PDE1C: variants seen among roughly 807,000 people sequenced by gnomAD.
PDE1C encodes dual specificity calcium/calmodulin-dependent 3',5'-cyclic nucleotide phosphodiesterase 1C.
Under a neutral mutation model 93.1 loss-of-function variants are expected in PDE1C, and 62 were observed. The ratio of observed to expected loss-of-function variants is 0.67; its 90% confidence interval spans 0.54 to 0.82. PDE1C has a LOEUF of 0.82. Ranked by LOEUF, PDE1C falls within the 40% of genes least tolerant of loss-of-function variation. The pLI is 0.00. For synonymous variants in PDE1C, 325 were observed against 310.1 expected (o/e 1.05, Z -0.50); for missense variants, 742 against 884.6 (o/e 0.84, Z 2.04).
At chr7:32,386,884 T>A (rs1380507188) in intron 1 of PDE1C, among the ~76,000 whole-genome samples, 1 of 134,866 alleles carries the variant, frequency 7.4e-6, no homozygotes, top group South Asian at 2.2e-4. Flanking sequence ...TTTATTTTTA[T>A]TTTTTTTTTT....
chr7:31,789,534 A>C, intron 16 of PDE1C: 1 of 499,034 alleles, frequency 2.0e-6, no homozygotes, highest in Non-Finnish European at 2.6e-6. Flanking sequence ...TCACCAGCTG[A>C]ACATTCAGGT....
intron 1 of PDE1C, among the ~76,000 whole-genome samples, chr7:32,245,221 G>A (rs1808838216): frequency 6.6e-6 from 1 of 152,098 alleles, no homozygotes; most frequent in South Asian, 2.1e-4. Flanking sequence ...ATTTGTGGGA[G>A]CCATGGTAAC....
intron 2 of PDE1C, among the ~76,000 whole-genome samples, chr7:31,897,607 TG>T (rs1161484556): frequency 6.6e-6 from 1 of 152,194 alleles, no homozygotes; most frequent in Non-Finnish European, 1.5e-5. Context: ...CTCCCCCTTT[TG>T]TCTCTGAATA....
the PDE1C span, among the ~76,000 whole-genome samples, chr7:31,723,637 C>G: frequency 1.3e-5 from 2 of 152,172 alleles, no homozygotes; most frequent in Non-Finnish European, 2.9e-5. Context: ...CTGTTGTCCT[C>G]TGGGCCCTAC....
At chr7:31,712,409 G>T in the PDE1C span, among the ~76,000 whole-genome samples, 2 of 152,208 alleles carry the variant, frequency 1.3e-5, no homozygotes, top group African/African-American at 2.4e-5. Context: ...CTAGATAGTC[G>T]CTATGGAGCC....
At chr7:31,979,811 C>T (rs536494352) in intron 2 of PDE1C, among the ~76,000 whole-genome samples, 3 of 152,236 alleles carry the variant, frequency 2.0e-5, no homozygotes, top group African/African-American at 7.2e-5. Context: ...TTCACTGTAC[C>T]CAAGTACTGT....
At chr7:32,135,507 A>T (rs957522127) in intron 3 of PDE1C, among the ~76,000 whole-genome samples, 1 of 152,220 alleles carries the variant, frequency 6.6e-6, no homozygotes, top group Non-Finnish European at 1.5e-5. Context: ...AATGACCAGA[A>T]GGTATAAAAA....
intron 1 of PDE1C, among the ~76,000 whole-genome samples, chr7:32,069,102 A>G (rs1226085602): frequency 1.3e-5 from 2 of 152,226 alleles, no homozygotes; most frequent in East Asian, 3.8e-4. Context: ...TCCCATTGAA[A>G]TCAATGGCAA....
chr7:31,967,553 C>T (rs903268756), intron 2 of PDE1C, among the ~76,000 whole-genome samples: 5 of 152,206 alleles, frequency 3.3e-5, no homozygotes, highest in African/African-American at 7.2e-5. Context: ...TGGTACCATT[C>T]CTTCTAAAAC....
At chr7:31,893,463 T>C in intron 2 of PDE1C, 1 of 984,026 alleles carries the variant, frequency 1.0e-6, no homozygotes, top group Non-Finnish European at 1.2e-6. Flanking sequence ...AAAAGAAGAA[T>C]TGGGAAGACT....
At chr7:32,365,653 A>G (rs1784216752) in intron 1 of PDE1C, among the ~76,000 whole-genome samples, 2 of 152,198 alleles carry the variant, frequency 1.3e-5, no homozygotes, top group East Asian at 1.9e-4. Context: ...CAACTGGGCA[A>G]TCATGCTCCT....
rs949931958 is a variant in PDE1C, at chr7:32,171,864, A to G, written c.137-1908T>C. On this transcript the variant is annotated intron_variant, in intron 2 of 18. Transcript: ENST00000396193. ...AAACTGTCACAGCCAAGAGGAGCCT[A>G]AAGATATGATGACTAAATGTAATGT... 8.8e-5 allele frequency among the ~76,000 whole-genome samples: 13 copies of G among 147,438 alleles called. No homozygotes were observed. The East Asian group carries it at 2.2e-3, about 25-fold the overall frequency.
At chr7:32,035,083 T>C (rs1209335629) in intron 2 of PDE1C, among the ~76,000 whole-genome samples, 1 of 152,000 alleles carries the variant, frequency 6.6e-6, no homozygotes, top group East Asian at 1.9e-4. Flanking sequence ...GCACCAACAT[T>C]TTAAAGTTCC....
At chr7:31,716,231 G>T in the PDE1C span, among the ~76,000 whole-genome samples, 1 of 152,064 alleles carries the variant, frequency 6.6e-6, no homozygotes, top group South Asian at 2.1e-4. Context: ...TAAAATTTTA[G>T]TATCTTCCTA....
intron 13 of PDE1C, among the ~76,000 whole-genome samples, chr7:31,824,150 A>G (rs1183285348): frequency 5.3e-5 from 8 of 152,018 alleles, no homozygotes; most frequent in Admixed American, 3.9e-4. Context: ...CTCCTTTATG[A>G]CAAAGCCCAC....
intron 1 of PDE1C, among the ~76,000 whole-genome samples, chr7:32,409,470 AC>A (rs1421999803): frequency 2.0e-5 from 3 of 152,248 alleles, no homozygotes; most frequent in African/African-American, 7.2e-5. Flanking sequence ...AAAACTAAAG[AC>A]AAATCTCACT....
intron 9 of PDE1C, among the ~76,000 whole-genome samples, chr7:31,841,934 TTC>T (rs1791953454): frequency 6.6e-6 from 1 of 152,106 alleles, no homozygotes; most frequent in Non-Finnish European, 1.5e-5. Context: ...GCAAAAAGAA[TTC>T]TCTCTTACTT....
chr7:32,008,474 C>T (rs1057271970), intron 2 of PDE1C, among the ~76,000 whole-genome samples: 1 of 152,212 alleles, frequency 6.6e-6, no homozygotes, highest in Admixed American at 6.5e-5. Context: ...AGTACAAGTG[C>T]ACCTGCCAGG....
chr7:32,182,338 C>T (rs1164506666), intron 2 of PDE1C, among the ~76,000 whole-genome samples: 1 of 152,182 alleles, frequency 6.6e-6, no homozygotes, highest in Admixed American at 6.5e-5. Flanking sequence ...CTGGCAGAGA[C>T]ACAACAAACA....
Sources: gnomAD v4.1 joint callset for allele counts (sites outside exome capture counted in the v4.1 genomes callset) on GRCh38, gnomAD v4.1.1 for gene constraint, MANE v1.5 for transcripts, NCBI Gene and HGNC (gene_info 2026-07-23, HGNC 2026-07-21) for gene names.